PCDHAC2: variants seen among roughly 807,000 people sequenced by gnomAD.
PCDHAC2 encodes protocadherin alpha-C2.
Under a neutral mutation model 63.3 loss-of-function variants are expected in PCDHAC2, and 24 were observed. The ratio of observed to expected loss-of-function variants is 0.38; its 90% CI spans 0.27 to 0.53. PCDHAC2 has a LOEUF of 0.53. PCDHAC2 is among the 20% of genes least tolerant of loss of function. The pLI, the probability that PCDHAC2 is intolerant of heterozygous loss-of-function variation, is 0.81. For synonymous variants in PCDHAC2, 569 were observed against 529.4 expected (o/e 1.07, Z -1.03); for missense variants, 1,181 against 1,275.2 (o/e 0.93, Z 1.12).
At position 141,009,636 on chromosome 5, in the gene PCDHAC2, C is replaced by T. The variant is rs782321757; in HGVS notation, c.2723C>T (p.Ala908Val). ...ATGTTTTGTCTTTCAGAACCAGAGG[C>T]AGGAGAAGTGTCCCCTCCAGTCGGT... ...TVSSATPEPE[A>V]GEVSPPVGAG... Residue 908 changes from alanine (A) to valine (V), a missense_variant, in exon 4 of 4, where the codon GCA becomes GTA. Physicochemically the swap from Ala to Val is moderately conservative, Grantham distance 64. This residue lies in a region of PCDHAC2 where 968 missense variants were observed against 1,073.5 expected (regional missense o/e 0.90). Transcript: ENST00000289269. 3.7e-6 allele frequency: 6 copies of T among 1,613,192 alleles called. No homozygotes were observed. Among genetic ancestry groups the T allele is most frequent in the Non-Finnish European group, 4.2e-6 (5 of 1,179,532 alleles).
At chr5:141,002,342 C>A (rs1047277199) in intron 3 of PCDHAC2, among the ~76,000 whole-genome samples, 3 of 152,070 alleles carry the variant, frequency 2.0e-5, no homozygotes, top group African/African-American at 4.8e-5. Flanking sequence ...CGCACCCCTT[C>A]CCCCACCTCC....
chr5:141,000,185 G>A (rs1434179793), intron 3 of PCDHAC2, among the ~76,000 whole-genome samples: 1 of 151,896 alleles, frequency 6.6e-6, no homozygotes, highest in African/African-American at 2.4e-5. Flanking sequence ...AGGAGTCAAT[G>A]TGAGAATAGT....
chr5:140,996,130 G>A (rs1185857732), intron 3 of PCDHAC2, among the ~76,000 whole-genome samples: 2 of 152,162 alleles, frequency 1.3e-5, no homozygotes, highest in African/African-American at 4.8e-5. Flanking sequence ...GGTGTAGAGG[G>A]TTCTCCCATT....
At chr5:140,978,462 G>T (rs939639463) in intron 1 of PCDHAC2, among the ~76,000 whole-genome samples, 3 of 152,222 alleles carry the variant, frequency 2.0e-5, no homozygotes, top group Admixed American at 1.3e-4. Flanking sequence ...TCCGCCCTGG[G>T]TCAAATATGC....
At chr5:141,003,467 A>G (rs1262411574) in intron 3 of PCDHAC2, among the ~76,000 whole-genome samples, 1 of 152,036 alleles carries the variant, frequency 6.6e-6, no homozygotes, top group Non-Finnish European at 1.5e-5. Context: ...GTGCACCACC[A>G]CAGTCTCGCT....
At chr5:140,976,298 C>A (rs2096709941) in intron 1 of PCDHAC2, among the ~76,000 whole-genome samples, 1 of 152,036 alleles carries the variant, frequency 6.6e-6, no homozygotes, top group African/African-American at 2.4e-5. Context: ...AGCCTGTAAT[C>A]CCAGCACTTT....
chr5:140,974,322 G>A (rs11743888), intron 1 of PCDHAC2, among the ~76,000 whole-genome samples: 7,497 of 152,260 alleles, frequency 0.049, 207 homozygotes, highest in Middle Eastern at 0.068. Flanking sequence ...GAGAGTAGCT[G>A]CTGTGCTAGC....
Position 140,966,989 on chromosome 5 carries a change from G to A in PCDHAC2, c.223G>A (p.Gly75Ser). 8 of 1,604,148 alleles carry A rather than the reference G, an allele frequency of 5.0e-6. No homozygotes were observed. Among genetic ancestry groups the A allele is most frequent in the Non-Finnish European group, 6.8e-6 (8 of 1,177,694 alleles). The change falls in exon 1 of 4, where the codon GGT (glycine) becomes AGT (serine). Residue 75 changes from glycine (G) to serine (S), a missense_variant. Gly to Ser is a moderately conservative substitution (Grantham distance 56, BLOSUM62 0). Transcript: ENST00000289269. ...GCTTGAGCTGCGGCGCTTGGGGCCG[G>A]GTTGCTTGCGCATCAACCATCTGGG... ...LGLELRRLGP[G>S]CLRINHLGAP...
At chr5:141,007,974 A>G (rs2098354254) in intron 3 of PCDHAC2, among the ~76,000 whole-genome samples, 1 of 152,220 alleles carries the variant, frequency 6.6e-6, no homozygotes, top group Non-Finnish European at 1.5e-5. Flanking sequence ...GGTGTCTGTC[A>G]TGTATATATG....
At chr5:141,001,811 C>T (rs1200900455) in intron 3 of PCDHAC2, among the ~76,000 whole-genome samples, 1 of 152,128 alleles carries the variant, frequency 6.6e-6, no homozygotes, top group Non-Finnish European at 1.5e-5. Flanking sequence ...ATTCTACAAT[C>T]GGCCAAATTC....
intron 1 of PCDHAC2, among the ~76,000 whole-genome samples, chr5:140,973,118 G>T (rs1554234897): frequency 1.3e-5 from 2 of 152,168 alleles, no homozygotes; most frequent in Non-Finnish European, 2.9e-5. Context: ...TAGCAGAGAT[G>T]AATTAAGTTT....
chr5:140,980,229 T>C (rs2096881022), intron 2 of PCDHAC2, among the ~76,000 whole-genome samples: 1 of 152,232 alleles, frequency 6.6e-6, no homozygotes, highest in South Asian at 2.1e-4. Flanking sequence ...TCTGAGCTGT[T>C]GGTGGAGACA....
chr5:140,973,148 T>G (rs2096574239), intron 1 of PCDHAC2, among the ~76,000 whole-genome samples: 1 of 152,210 alleles, frequency 6.6e-6, no homozygotes, highest in Non-Finnish European at 1.5e-5. Context: ...TTCACTTATT[T>G]TAAAGCAATT....
intron 1 of PCDHAC2, 200 bp downstream of exon 1, chr5:140,969,531 A>G: frequency 7.4e-7 from 1 of 1,356,026 alleles, no homozygotes; most frequent in South Asian, 1.6e-5. Context: ...TTTATTTTTC[A>G]TTTTCAGAGG....
At chr5:140,973,007 G>T (rs2096567856) in intron 1 of PCDHAC2, among the ~76,000 whole-genome samples, 1 of 152,160 alleles carries the variant, frequency 6.6e-6, no homozygotes, top group Non-Finnish European at 1.5e-5. Context: ...TGTGGTCGTG[G>T]TGTTGTGATT....
At position 141,010,062 on chromosome 5, in the gene PCDHAC2, A is replaced by G. The variant is rs1310704954; in HGVS notation, c.*125A>G. The G allele has an allele frequency of 8.1e-6, 13 of 1,602,422 alleles. No individual in the cohort carries two copies. Among genetic ancestry groups the G allele is most frequent in the African/African-American group, 2.7e-5 (2 of 74,284 alleles). On this transcript the variant is annotated 3_prime_UTR_variant, in exon 4 of 4. Transcript: ENST00000289269. Reference sequence around the variant, plus strand: ...CCTCTTAGAGACCTCAGAAATCTGCAGAAAGTTCCCTGTGTCTGTCTAGAA... The same window carrying G: ...CCTCTTAGAGACCTCAGAAATCTGCGGAAAGTTCCCTGTGTCTGTCTAGAA...
At chr5:140,987,395 G>A (rs1438598842) in intron 3 of PCDHAC2, among the ~76,000 whole-genome samples, 1 of 152,166 alleles carries the variant, frequency 6.6e-6, no homozygotes, top group East Asian at 1.9e-4. Flanking sequence ...ATGCAAGGAA[G>A]CCATCTGTTT....
rs1278675624 is a variant in PCDHAC2, at chr5:140,967,585, C to T, written c.819C>T (p.Gly273=). The change falls in exon 1 of 4, where the codon GGC becomes GGT. Residue 273 remains glycine (G), a synonymous_variant. Transcript: ENST00000289269. ...RVQLREDSPP[G]TLVVKLNASD... is the part of the protein sequence containing the mutation. ...AGCTACGGGAGGACTCACCCCCAGG[C>T]ACATTGGTGGTGAAGCTGAATGCCT... 1 of 1,614,152 alleles carries T rather than the reference C, an allele frequency of 6.2e-7. No homozygotes were observed. The highest frequency in any genetic ancestry group is 8.5e-7 in the Non-Finnish European group (1 of 1,180,040).
intron 1 of PCDHAC2, among the ~76,000 whole-genome samples, chr5:140,973,210 C>T (rs112667484): frequency 0.028 from 4,273 of 152,266 alleles, 188 homozygotes; most frequent in African/African-American, 0.096. Flanking sequence ...CATATTCACC[C>T]TAATTCCAGG....
Sources: allele counts gnomAD v4.1 joint callset (sites outside exome capture counted in the v4.1 genomes callset), GRCh38; gene constraint gnomAD v4.1.1; regional missense constraint gnomAD v4.1.1; transcripts MANE v1.5; gene names NCBI Gene and HGNC (gene_info 2026-07-23, HGNC 2026-07-21).